FER1L6: variants seen among roughly 807,000 people sequenced by gnomAD.
FER1L6 encodes the protein fer-1-like protein 6.
Under a neutral mutation model 219.2 loss-of-function variants are expected in FER1L6, and 177 were observed. That is an observed-to-expected ratio of 0.81 (90% CI 0.71 to 0.91). FER1L6 has a LOEUF of 0.91. FER1L6 is among the 40% of genes least tolerant of loss of function. FER1L6 has a pLI of 0.00. For missense variants in FER1L6, 2,153 were observed against 2,259.9 expected (o/e 0.95, Z 0.96); for synonymous variants, 768 against 824.3 (o/e 0.93, Z 1.17).
At chr8:124,033,506 T>C (rs75344778) in intron 18 of FER1L6, among the ~76,000 whole-genome samples, 21 of 152,230 alleles carry the variant, frequency 1.4e-4, no homozygotes, top group Admixed American at 9.8e-4. Context: ...TTTTTTTTTT[T>C]GAGCTCAACA....
At position 123,980,652 on chromosome 8, in the gene FER1L6, G is replaced by A; in HGVS notation, c.1251G>A (p.Lys417=). The change falls in exon 11 of 41, where the codon AAG becomes AAA. Residue 417 remains lysine, a synonymous_variant. Transcript: ENST00000522917. The part of the protein sequence containing the change: ...SGRAQESKFS[K]ALKELKLPSK... ...GGGCACAGGAATCTAAATTTTCCAA[G>A]GCCCTGAAGGAGCTCAAGTTGCCTT... 1 of 1,614,134 alleles carries A rather than the reference G, an allele frequency of 6.2e-7. No individual in the cohort carries two copies. Among genetic ancestry groups the A allele is most frequent in the South Asian group, 1.1e-5 (1 of 91,076 alleles).
At chr8:124,067,454 G>A (rs969934530) in intron 27 of FER1L6, among the ~76,000 whole-genome samples, 11 of 152,180 alleles carry the variant, frequency 7.2e-5, no homozygotes, top group Admixed American at 3.9e-4. Context: ...CTCCAGGGAG[G>A]TGGAAAAATA....
intron 1 of FER1L6, among the ~76,000 whole-genome samples, chr8:123,941,049 G>A (rs540106263): frequency 2.0e-5 from 3 of 152,262 alleles, no homozygotes; most frequent in East Asian, 1.9e-4. Flanking sequence ...TTCAATAAAC[G>A]TTTGTGGTGT....
intron 1 of FER1L6, among the ~76,000 whole-genome samples, chr8:123,862,514 A>C (rs201904645): frequency 2.4e-4 from 33 of 139,816 alleles, no homozygotes; most frequent in African/African-American, 5.2e-4. Flanking sequence ...AGGGAGGATT[A>C]CCTCTTTTTC....
chr8:123,930,078 A>G (rs1488553059), intron 1 of FER1L6, among the ~76,000 whole-genome samples: 2 of 152,126 alleles, frequency 1.3e-5, no homozygotes, highest in Non-Finnish European at 2.9e-5. Flanking sequence ...GTACCCTTTA[A>G]CCAGTTTTGC....
intron 34 of FER1L6, among the ~76,000 whole-genome samples, chr8:124,092,614 A>T (rs554962030): frequency 1.3e-5 from 2 of 152,288 alleles, no homozygotes; most frequent in African/African-American, 4.8e-5. Flanking sequence ...ATACTGTCAC[A>T]CTGTGTTGGT....
intron 1 of FER1L6, among the ~76,000 whole-genome samples, chr8:123,906,853 AC>A (rs539544458): frequency 4.4e-4 from 67 of 151,550 alleles, no homozygotes; most frequent in African/African-American, 1.4e-3. Context: ...AGACCTTTTA[AC>A]CCCCCCTTTA....
intron 6 of FER1L6, among the ~76,000 whole-genome samples, chr8:123,973,142 A>C (rs569024618): frequency 6.6e-6 from 1 of 152,268 alleles, no homozygotes; most frequent in South Asian, 2.1e-4. Context: ...AGATAGGGAA[A>C]ATTTCAGCAG....
intron 1 of FER1L6, among the ~76,000 whole-genome samples, chr8:123,880,513 T>A (rs929592257): frequency 6.6e-6 from 1 of 152,184 alleles, no homozygotes; most frequent in African/African-American, 2.4e-5. Flanking sequence ...CAGTTCCCAC[T>A]GAGTGGTCCC....
chr8:123,966,341 C>T (rs1180725577), intron 5 of FER1L6, 51 bp downstream of exon 5: 7 of 1,605,666 alleles, frequency 4.4e-6, no homozygotes, highest in Non-Finnish European at 4.3e-6. Context: ...CTCTTCACCA[C>T]CATTCTGCAG....
intron 39 of FER1L6, among the ~76,000 whole-genome samples, chr8:124,117,805 TG>T (rs1306744653): frequency 4.6e-5 from 7 of 152,172 alleles, no homozygotes; most frequent in African/African-American, 1.7e-4. Context: ...TTAGGGTGAA[TG>T]GGTAAGTTAA....
At chr8:124,043,647 AT>A (rs1819599304) in intron 20 of FER1L6, among the ~76,000 whole-genome samples, 1 of 152,062 alleles carries the variant, frequency 6.6e-6, no homozygotes, top group African/African-American at 2.4e-5. Flanking sequence ...AAGAGCGTGG[AT>A]TTCGACTGAG....
chr8:123,864,946 G>A (rs539139923), intron 1 of FER1L6, among the ~76,000 whole-genome samples: 1 of 151,164 alleles, frequency 6.6e-6, no homozygotes, highest in South Asian at 2.1e-4. Flanking sequence ...GTAGCTCAGA[G>A]TAATTTGATC....
At chr8:123,907,737 A>G (rs1481111344) in intron 1 of FER1L6, among the ~76,000 whole-genome samples, 1 of 148,430 alleles carries the variant, frequency 6.7e-6, no homozygotes, top group Non-Finnish European at 1.5e-5. Flanking sequence ...GGTTTTAACC[A>G]TATTCTTCTT....
At chr8:123,921,499 G>A (rs772410251) in intron 1 of FER1L6, among the ~76,000 whole-genome samples, 7 of 151,828 alleles carry the variant, frequency 4.6e-5, no homozygotes, top group Non-Finnish European at 8.8e-5. Flanking sequence ...TGAGTAGCTG[G>A]GACTACAGGT....
intron 31 of FER1L6, 37 bp downstream of exon 31, chr8:124,071,668 A>C (rs777871507): frequency 6.3e-7 from 1 of 1,596,698 alleles, no homozygotes; most frequent in African/African-American, 1.3e-5. Context: ...GGGTGTATTT[A>C]TCTGCTCAGG....
chr8:124,007,949 C>T (rs989288884), intron 13 of FER1L6, among the ~76,000 whole-genome samples: 1 of 152,112 alleles, frequency 6.6e-6, no homozygotes, highest in Non-Finnish European at 1.5e-5. Flanking sequence ...TTTAAAATTG[C>T]CTTTTTCCAT....
intron 31 of FER1L6, among the ~76,000 whole-genome samples, chr8:124,073,505 C>A (rs2130880024): frequency 6.6e-6 from 1 of 152,228 alleles, no homozygotes; most frequent in Non-Finnish European, 1.5e-5. Flanking sequence ...ATTAAAAGAA[C>A]ACTAACAAGT....
intron 31 of FER1L6, 78 bp from the exon 32 acceptor site, chr8:124,076,120 G>T: frequency 6.4e-7 from 1 of 1,561,136 alleles, no homozygotes; most frequent in Non-Finnish European, 8.7e-7. Flanking sequence ...TAGCATTTTT[G>T]AAAGCACCAA....
Sources: gnomAD v4.1 joint callset for allele counts (sites outside exome capture counted in the v4.1 genomes callset) on GRCh38, gnomAD v4.1.1 for gene constraint, MANE v1.5 for transcripts, NCBI Gene and HGNC (gene_info 2026-07-23, HGNC 2026-07-21) for gene names.